Variants in IL1RAPL1 observed in about 807,000 individuals in gnomAD.
IL1RAPL1 encodes interleukin 1 receptor accessory protein like 1, also known as interleukin-1 receptor accessory protein-like 1.
IL1RAPL1 carries 3 observed loss-of-function variants against 48.4 expected under a neutral mutation model. The observed-to-expected ratio is 0.06, with a 90% confidence interval of 0.03 to 0.16. IL1RAPL1 has a LOEUF of 0.16. Among genes scored for constraint, IL1RAPL1 ranks in the 10% least tolerant of loss-of-function variants. The pLI is 1.00. For missense variants in IL1RAPL1, 349 were observed against 530.6 expected, an observed-to-expected ratio of 0.66 and a Z score of 3.36; for synonymous variants, 185 against 187.7, an observed-to-expected ratio of 0.99 and a Z score of 0.12.
intron 3 of IL1RAPL1, among the ~76,000 whole-genome samples, chrX:29,337,991 T>A (rs1933020913): frequency 8.9e-6 from 1 of 111,980 alleles, no homozygotes; most frequent in Non-Finnish European, 1.9e-5. Flanking sequence ...TTTATTCTTA[T>A]TATTATGCAT....
chrX:28,878,956 A>G (rs1202276947), intron 2 of IL1RAPL1, among the ~76,000 whole-genome samples: 1 of 111,752 alleles, frequency 8.9e-6, no homozygotes, highest in East Asian at 2.8e-4. Flanking sequence ...ACTGAAATTT[A>G]GTGGTTAATC....
At chrX:29,495,563 G>C (rs1935204094) in intron 5 of IL1RAPL1, among the ~76,000 whole-genome samples, 1 of 111,139 alleles carries the variant, frequency 9.0e-6, no homozygotes, top group African/African-American at 3.3e-5. Flanking sequence ...AATCTCTTTT[G>C]CTGACCTCCT....
At chrX:29,224,542 A>G (rs1931043521) in intron 2 of IL1RAPL1, among the ~76,000 whole-genome samples, 1 of 111,880 alleles carries the variant, frequency 8.9e-6, no homozygotes, top group Non-Finnish European at 1.9e-5. Context: ...CTTTCTATCT[A>G]TTCCTTTATA....
chrX:29,741,952 A>G (rs1321764123), intron 6 of IL1RAPL1, among the ~76,000 whole-genome samples: 2 of 107,953 alleles, frequency 1.9e-5, no homozygotes, highest in African/African-American at 3.4e-5. Flanking sequence ...AAAAAAAAAA[A>G]AAAGAAAAGC....
At chrX:29,899,788 C>T (rs1306051695) in intron 6 of IL1RAPL1, among the ~76,000 whole-genome samples, 1 of 111,018 alleles carries the variant, frequency 9.0e-6, no homozygotes, top group Non-Finnish European at 1.9e-5. Context: ...AAGTGATCCA[C>T]CCACCTCAAC....
intron 2 of IL1RAPL1, among the ~76,000 whole-genome samples, chrX:29,128,907 A>AG (rs1928955308): frequency 9.0e-6 from 1 of 111,573 alleles, no homozygotes; most frequent in Non-Finnish European, 1.9e-5. Context: ...TCCTGGATAA[A>AG]GACAATTGAA....
chrX:29,394,141 AGT>A (rs764714107), intron 3 of IL1RAPL1, among the ~76,000 whole-genome samples: 1 of 109,572 alleles, frequency 9.1e-6, no homozygotes, highest in African/African-American at 3.3e-5. Context: ...ACATTGATTC[AGT>A]GTCTTAAGTA....
At chrX:29,065,173 C>T (rs1168973570) in intron 2 of IL1RAPL1, among the ~76,000 whole-genome samples, 2 of 108,899 alleles carry the variant, frequency 1.8e-5, no homozygotes, top group African/African-American at 6.7e-5. Context: ...TTAATATTTA[C>T]ATAATTACCT....
At chrX:29,182,230 A>T (rs1010718883) in intron 2 of IL1RAPL1, among the ~76,000 whole-genome samples, 61 of 111,111 alleles carry the variant, frequency 5.5e-4, no homozygotes, top group Admixed American at 1.9e-4. Flanking sequence ...AAAACCCCAC[A>T]ATTCTTATGG....
At chrX:29,330,506 G>GTC (rs2147633174) in intron 3 of IL1RAPL1, among the ~76,000 whole-genome samples, 1 of 111,674 alleles carries the variant, frequency 9.0e-6, no homozygotes, top group East Asian at 2.8e-4. Context: ...CTGTTCCAAG[G>GTC]TCAGAGCAGA....
At chrX:29,199,335 T>A (rs1273039891) in intron 2 of IL1RAPL1, among the ~76,000 whole-genome samples, 1 of 111,635 alleles carries the variant, frequency 9.0e-6, no homozygotes, top group Non-Finnish European at 1.9e-5. Flanking sequence ...AATCACTTTT[T>A]TTTTTGCAAA....
At chrX:28,752,167 G>A (rs910762903) in intron 1 of IL1RAPL1, among the ~76,000 whole-genome samples, 18 of 111,624 alleles carry the variant, frequency 1.6e-4, no homozygotes, top group African/African-American at 5.8e-4. Flanking sequence ...ATGTTCTAAT[G>A]CATTTTTAAC....
At chrX:29,773,406 T>C (rs1435365427) in intron 6 of IL1RAPL1, among the ~76,000 whole-genome samples, 1 of 112,518 alleles carries the variant, frequency 8.9e-6, no homozygotes, top group Non-Finnish European at 1.9e-5. Flanking sequence ...TGAGTTTATA[T>C]AGTGAGGATC....
intron 4 of IL1RAPL1, among the ~76,000 whole-genome samples, chrX:29,397,814 G>T (rs1307475322): frequency 2.7e-5 from 3 of 111,165 alleles, no homozygotes; most frequent in Non-Finnish European, 3.8e-5. Flanking sequence ...CAGTGTCTTT[G>T]TTGTTCACTA....
At chrX:29,319,160 G>GTCTGTCTATCTA (rs370282992) in intron 3 of IL1RAPL1, among the ~76,000 whole-genome samples, 148 of 84,982 alleles carry the variant, frequency 1.7e-3, no homozygotes, top group African/African-American at 5.9e-3. Flanking sequence ...CTATCTGTCT[G>GTCTGTCTATCTA]TCTATCTATC....
intron 2 of IL1RAPL1, among the ~76,000 whole-genome samples, chrX:29,169,649 C>T: frequency 9.0e-6 from 1 of 110,798 alleles, no homozygotes; most frequent in Admixed American, 9.8e-5. Flanking sequence ...AAAGAGTATT[C>T]ATCGTTGCCT....
At chrX:28,674,790 A>G (rs1012568727) in intron 1 of IL1RAPL1, among the ~76,000 whole-genome samples, 11 of 112,042 alleles carry the variant, frequency 9.8e-5, no homozygotes, top group Admixed American at 8.6e-4. Context: ...TAAAGAGTAC[A>G]TAAGTTTATG....
chrX:28,978,103 G>A (rs1452358967), intron 2 of IL1RAPL1, among the ~76,000 whole-genome samples: 1 of 112,290 alleles, frequency 8.9e-6, no homozygotes, highest in Non-Finnish European at 1.9e-5. Context: ...AAATAATAGC[G>A]TAGAATACAC....
chrX:28,863,418 C>CTTTT (rs11395764), intron 2 of IL1RAPL1, among the ~76,000 whole-genome samples: 24 of 85,260 alleles, frequency 2.8e-4, no homozygotes, highest in East Asian at 7.5e-4. Flanking sequence ...GCCTACGGGC[C>CTTTT]TTTTTTTTTT....
Sources: gnomAD v4.1 joint callset for allele counts (sites outside exome capture counted in the v4.1 genomes callset) on GRCh38, gnomAD v4.1.1 for gene constraint, MANE v1.5 for transcripts, NCBI Gene and HGNC (gene_info 2026-07-23, HGNC 2026-07-21) for gene names.